Variants in CAMKMT observed in about 807,000 individuals in gnomAD.
CAMKMT encodes CaM KMT.
Under a neutral mutation model 48.0 loss-of-function variants are expected in CAMKMT, and 53 were observed. That is an observed-to-expected ratio of 1.10 (90% CI 0.89 to 1.39). The LOEUF is 1.39. Ranked by LOEUF, CAMKMT falls within the 40% of genes most tolerant of loss-of-function variation. CAMKMT has a pLI of 0.00. For synonymous variants in CAMKMT, 165 were observed against 152.3 expected, an observed-to-expected ratio of 1.08 and a Z score of -0.61; for missense variants, 428 against 402.7, an observed-to-expected ratio of 1.06 and a Z score of -0.54.
intron 3 of CAMKMT, chr2:44,395,108 A>G (rs1343868764): frequency 1.1e-5 from 4 of 380,348 alleles, no homozygotes; most frequent in South Asian, 5.7e-5. Flanking sequence ...CTTTGGAAAT[A>G]TGGTCTAAAT....
chr2:44,634,810 A>G (rs1394119542), intron 3 of CAMKMT, among the ~76,000 whole-genome samples: 1 of 151,958 alleles, frequency 6.6e-6, no homozygotes, highest in East Asian at 1.9e-4. Flanking sequence ...CAAAAAAAAA[A>G]AAGCATTCTA....
At chr2:44,563,256 A>C (rs2103701936) in intron 3 of CAMKMT, among the ~76,000 whole-genome samples, 1 of 151,678 alleles carries the variant, frequency 6.6e-6, no homozygotes, top group East Asian at 1.9e-4. Context: ...TTCTTTCTTA[A>C]AAAAAGGATT....
chr2:44,563,320 G>A (rs1287669158), intron 3 of CAMKMT, among the ~76,000 whole-genome samples: 5 of 151,394 alleles, frequency 3.3e-5, no homozygotes, highest in African/African-American at 4.8e-5. Context: ...AATGTACTAT[G>A]AATATTTTCA....
At chr2:44,370,395 T>C (rs1679036023) in intron 1 of CAMKMT, among the ~76,000 whole-genome samples, 1 of 152,204 alleles carries the variant, frequency 6.6e-6, no homozygotes, top group Non-Finnish European at 1.5e-5. Context: ...CTTGTGTCAG[T>C]TTTAGTAGTT....
chr2:44,720,413 C>G (rs924159405), intron 7 of CAMKMT, among the ~76,000 whole-genome samples: 1 of 152,116 alleles, frequency 6.6e-6, no homozygotes, highest in African/African-American at 2.4e-5. Flanking sequence ...GTGAAAATGT[C>G]TTCTGGTTTT....
chr2:44,463,121 A>G (rs1036109591), intron 3 of CAMKMT, among the ~76,000 whole-genome samples: 3 of 152,268 alleles, frequency 2.0e-5, no homozygotes, highest in Non-Finnish European at 2.9e-5. Context: ...GATCAATGCC[A>G]TGGATACCTA....
chr2:44,596,821 A>C (rs1165420072), intron 3 of CAMKMT, among the ~76,000 whole-genome samples: 1 of 152,176 alleles, frequency 6.6e-6, no homozygotes, highest in Non-Finnish European at 1.5e-5. Flanking sequence ...AAAAATTCTA[A>C]GGTTTACTCA....
intron 3 of CAMKMT, among the ~76,000 whole-genome samples, chr2:44,511,174 A>G (rs1467033299): frequency 2.0e-5 from 3 of 151,792 alleles, no homozygotes; most frequent in Non-Finnish European, 1.5e-5. Flanking sequence ...TCATCCCCAT[A>G]GCTTAGCTCC....
At chr2:44,539,897 A>T (rs1053620558) in intron 3 of CAMKMT, among the ~76,000 whole-genome samples, 11 of 152,182 alleles carry the variant, frequency 7.2e-5, no homozygotes, top group Admixed American at 3.3e-4. Context: ...TGGTGATGAC[A>T]AAGGTGATGG....
At chr2:44,511,264 C>A (rs1670534667) in intron 3 of CAMKMT, among the ~76,000 whole-genome samples, 1 of 152,222 alleles carries the variant, frequency 6.6e-6, no homozygotes, top group African/African-American at 2.4e-5. Context: ...GTGGCTCCAT[C>A]CAAGTTGCTG....
intron 4 of CAMKMT, chr2:44,705,310 C>T (rs1677492193): frequency 2.0e-6 from 2 of 983,200 alleles, no homozygotes; most frequent in African/African-American, 1.8e-5. Context: ...TTTTTTTCTC[C>T]TCTTGAGGTA....
At chr2:44,447,039 G>A in intron 3 of CAMKMT, among the ~76,000 whole-genome samples, 1 of 152,052 alleles carries the variant, frequency 6.6e-6, no homozygotes, top group East Asian at 1.9e-4. Context: ...CAAAATTTTG[G>A]TACATTGGAC....
intron 3 of CAMKMT, among the ~76,000 whole-genome samples, chr2:44,698,922 C>G (rs188735408): frequency 6.6e-6 from 1 of 152,184 alleles, no homozygotes; most frequent in East Asian, 1.9e-4. Flanking sequence ...CGACAGTGTT[C>G]ACAGCATCTT....
chr2:44,612,408 G>A (rs1671649333), intron 3 of CAMKMT, among the ~76,000 whole-genome samples: 1 of 152,116 alleles, frequency 6.6e-6, no homozygotes, highest in African/African-American at 2.4e-5. Flanking sequence ...GTCAGAAATG[G>A]TGTATTTATT....
chr2:44,563,788 T>C (rs1464693898), intron 3 of CAMKMT, among the ~76,000 whole-genome samples: 2 of 152,212 alleles, frequency 1.3e-5, no homozygotes, highest in Non-Finnish European at 2.9e-5. Flanking sequence ...TCCATGTCCC[T>C]ACAAAGGACA....
chr2:44,648,307 G>A (rs907523576), intron 3 of CAMKMT, among the ~76,000 whole-genome samples: 1 of 152,154 alleles, frequency 6.6e-6, no homozygotes, highest in Non-Finnish European at 1.5e-5. Flanking sequence ...CTGGAGTTTG[G>A]TGGTGGGCAG....
chr2:44,467,901 A>T (rs1480719197), intron 3 of CAMKMT, among the ~76,000 whole-genome samples: 1 of 152,162 alleles, frequency 6.6e-6, no homozygotes, highest in Admixed American at 6.5e-5. Flanking sequence ...CTATGAAACT[A>T]CCAGAAGAAA....
chr2:44,366,519 G>T (rs1475666349), intron 1 of CAMKMT, among the ~76,000 whole-genome samples: 1 of 151,900 alleles, frequency 6.6e-6, no homozygotes, highest in Non-Finnish European at 1.5e-5. Flanking sequence ...GAATCCTTTT[G>T]GTAATAGTTG....
chr2:44,684,455 A>T (rs1452753091), intron 3 of CAMKMT, among the ~76,000 whole-genome samples: 1 of 152,044 alleles, frequency 6.6e-6, no homozygotes, highest in Non-Finnish European at 1.5e-5. Flanking sequence ...ATATGGCTTA[A>T]GGTTACGAAT....
Sources: gnomAD v4.1 joint callset for allele counts (sites outside exome capture counted in the v4.1 genomes callset) on GRCh38, gnomAD v4.1.1 for gene constraint, MANE v1.5 for transcripts, NCBI Gene and HGNC (gene_info 2026-07-23, HGNC 2026-07-21) for gene names.